Variants in MLXIPL observed in about 807,000 individuals in gnomAD.
The protein encoded by MLXIPL is MLX interacting protein like.
A neutral mutation model predicts 81.5 loss-of-function variants in MLXIPL; 49 were observed. That is an observed-to-expected ratio of 0.60 (90% CI 0.48 to 0.76). MLXIPL has a LOEUF of 0.76. Among genes scored for constraint, MLXIPL ranks in the 30% least tolerant of loss-of-function variants. The probability of loss-of-function intolerance (pLI) is 0.00; values close to 1 mark genes in which losing one functional copy is unlikely to be tolerated. For synonymous variants in MLXIPL, 466 were observed against 485.5 expected, an observed-to-expected ratio of 0.96 and a Z score of 0.53; for missense variants, 1,053 against 1,167.0, an observed-to-expected ratio of 0.90 and a Z score of 1.42.
At chr7:73,640,869 T>A in the MLXIPL span, among the ~76,000 whole-genome samples, 1 of 151,630 alleles carries the variant, frequency 6.6e-6, no homozygotes, top group African/African-American at 2.4e-5. Flanking sequence ...CAGAGATTAA[T>A]GCTCTCCAAC....
At chr7:73,615,492 C>T (rs1795954800) in intron 2 of MLXIPL, among the ~76,000 whole-genome samples, 1 of 152,154 alleles carries the variant, frequency 6.6e-6, no homozygotes, top group African/African-American at 2.4e-5. Flanking sequence ...TACCCTAGTG[C>T]TACTGAGGGG....
At chr7:73,613,648 C>T (rs1202719432) in intron 2 of MLXIPL, among the ~76,000 whole-genome samples, 1 of 152,118 alleles carries the variant, frequency 6.6e-6, no homozygotes, top group Non-Finnish European at 1.5e-5. Flanking sequence ...CCCATTTTCA[C>T]AAATAGCAAG....
chr7:73,628,284 A>G (rs7786376), upstream of MLXIPL, among the ~76,000 whole-genome samples: 42,440 of 151,986 alleles, frequency 0.28, 6,289 homozygotes, highest in African/African-American at 0.38. Flanking sequence ...GCGGGTGGGA[A>G]GATTATGAGT....
chr7:73,605,704 G>A lies in MLXIPL; in HGVS notation c.885C>T (p.Asp295=), dbSNP rs1554597732. Residue 295 remains aspartate, a synonymous_variant, in exon 7 of 17, where the codon GAC becomes GAT. Coordinates refer to ENST00000313375, the MANE Select transcript of MLXIPL (RefSeq NM_032951.3). ...DLTPLQPSLD[D]FMDISDFFTN... is the part of the protein sequence containing the mutation. The stretch of plus-strand genomic sequence containing the variant: ...TCGCCCCACCTGAGATGTCCATGAA[G>A]TCATCCAGGCTTGGCTGCAGTGGCG... 5 of 1,613,714 alleles carry A rather than the reference G, an allele frequency of 3.1e-6. No individual in the cohort carries two copies. The highest frequency in any genetic ancestry group is 4.2e-6 in the Non-Finnish European group (5 of 1,179,912).
intron 7 of MLXIPL, among the ~76,000 whole-genome samples, chr7:73,602,130 G>GCCTGCCTTCCTTCCTT (rs1461829446): frequency 0.01 from 817 of 80,526 alleles, 12 homozygotes; most frequent in Non-Finnish European, 0.014. Context: ...CTGCCTGCCT[G>GCCTGCCTTCCTTCCTT]CCTTCCTTCC....
At chr7:73,637,573 G>A in the MLXIPL span, among the ~76,000 whole-genome samples, 2 of 152,140 alleles carry the variant, frequency 1.3e-5, no homozygotes, top group Admixed American at 6.6e-5. Context: ...TTGCCAATGT[G>A]GCTTCATGGT....
chr7:73,602,118 GCCTGCCTGCCTGCCTT>G (rs1794891960), intron 7 of MLXIPL, among the ~76,000 whole-genome samples: 4 of 49,094 alleles, frequency 8.1e-5, no homozygotes, highest in Non-Finnish European at 1.7e-4. Flanking sequence ...CTGCCTGCCT[GCCTGCCTGCCTGCCTT>G]CCTTCCTTCC....
the MLXIPL span, among the ~76,000 whole-genome samples, chr7:73,633,739 G>A: frequency 6.6e-6 from 1 of 152,162 alleles, no homozygotes; most frequent in Non-Finnish European, 1.5e-5. Flanking sequence ...CCAGGCGTGA[G>A]CCATGGTGTC....
At chr7:73,615,985 T>G in intron 2 of MLXIPL, 86 bp downstream of exon 2, 1 of 1,094,818 alleles carries the variant, frequency 9.1e-7, no homozygotes, top group Non-Finnish European at 1.4e-6. Flanking sequence ...GGGATTTTCC[T>G]GGGCAGCCAC....
At chr7:73,634,919 G>A in the MLXIPL span, among the ~76,000 whole-genome samples, 28 of 149,598 alleles carry the variant, frequency 1.9e-4, no homozygotes, top group East Asian at 7.9e-4. Flanking sequence ...GGGTTCAAAC[G>A]ATTCTCCTGC....
At chr7:73,637,418 T>A in the MLXIPL span, among the ~76,000 whole-genome samples, 1 of 150,542 alleles carries the variant, frequency 6.6e-6, no homozygotes, top group Non-Finnish European at 1.5e-5. Flanking sequence ...GAGTTTGCAG[T>A]GAGCTGAGAT....
intron 5 of MLXIPL, 56 bp downstream of exon 5, chr7:73,606,918 C>G (rs1795324801): frequency 6.3e-7 from 1 of 1,590,976 alleles, no homozygotes; most frequent in Non-Finnish European, 8.6e-7. Context: ...CTCTGCCTCC[C>G]ATCTACTTGG....
chr7:73,637,376 G>A, the MLXIPL span, among the ~76,000 whole-genome samples: 336 of 152,012 alleles, frequency 2.2e-3, 2 homozygotes, highest in Middle Eastern at 3.4e-3. Flanking sequence ...TCAGGAGGCT[G>A]AGGCGAGAGA....
In MLXIPL at chr7:73,605,689, T is replaced by A. The variant is rs1795216212; in HGVS notation, c.900A>T (p.Ser300=). The change falls in exon 7 of 17, where the codon TCA becomes TCT. Residue 300 remains serine (S), a splice_region_variant and synonymous_variant. Transcript: ENST00000313375. The part of the protein sequence containing the change: ...QPSLDDFMDI[S]DFFTNSRLPQ... ...GACCTGGGGAGGGGCTCGCCCCACCTGAGATGTCCATGAAGTCATCCAGGC... is the reference window on the plus strand; with the variant it reads ...GACCTGGGGAGGGGCTCGCCCCACCAGAGATGTCCATGAAGTCATCCAGGC... 6.2e-7 allele frequency: 1 copy of A among 1,612,302 alleles called. No homozygotes were observed. The highest frequency in any genetic ancestry group is 1.3e-5 in the African/African-American group (1 of 74,898).
chr7:73,602,130 GCCTT>G (rs1211377104), intron 7 of MLXIPL, among the ~76,000 whole-genome samples: 10 of 80,554 alleles, frequency 1.2e-4, no homozygotes, highest in Admixed American at 4.4e-4. Context: ...CTGCCTGCCT[GCCTT>G]CCTTCCTTCC....
chr7:73,621,200 C>T (rs567273402), intron 1 of MLXIPL, among the ~76,000 whole-genome samples: 1 of 152,066 alleles, frequency 6.6e-6, no homozygotes, highest in African/African-American at 2.4e-5. Flanking sequence ...TAACCAGGTC[C>T]TGTTTGCTCC....
chr7:73,630,102 A>C, the MLXIPL span, among the ~76,000 whole-genome samples: 1 of 151,468 alleles, frequency 6.6e-6, no homozygotes, highest in African/African-American at 2.4e-5. Context: ...GGTTCACGCC[A>C]TTCTCCTGCC....
chr7:73,629,955 G>T, the MLXIPL span, among the ~76,000 whole-genome samples: 1 of 148,634 alleles, frequency 6.7e-6, no homozygotes. Flanking sequence ...ACAGCCCCTT[G>T]GCTTGTCTTT....
Position 73,623,131 on chromosome 7 carries a change from A to T in MLXIPL, c.293+1069T>A, listed in dbSNP as rs1796487830. On this transcript the variant is annotated intron_variant, in intron 1 of 16. Coordinates refer to ENST00000313375, the MANE Select transcript of MLXIPL (RefSeq NM_032951.3). This position sits in a 1 kb window ranked among gnomAD's most constrained non-coding sequence, Gnocchi z 5.7. ...CTCCGCCTCCAGCCAATGGGGTCGC[A>T]GCTGGGCGGCTGCGGTTGGGGGCAG... Among the ~76,000 whole-genome samples, 2 of 152,184 alleles carry T rather than the reference A, an allele frequency of 1.3e-5. No homozygotes were observed. Among genetic ancestry groups the T allele is most frequent in the Non-Finnish European group, 2.9e-5 (2 of 68,018 alleles).
Sources: allele counts gnomAD v4.1 joint callset (sites outside exome capture counted in the v4.1 genomes callset), GRCh38; gene constraint gnomAD v4.1.1; non-coding constraint Gnocchi (gnomAD v3.1); transcripts MANE v1.5; gene names NCBI Gene and HGNC (gene_info 2026-07-23, HGNC 2026-07-21).